Variants in FZD3 observed in about 807,000 individuals in gnomAD.
FZD3 encodes the protein frizzled-3.
FZD3 carries 30 observed loss-of-function variants against 60.7 expected under a neutral mutation model. The ratio of observed to expected loss-of-function variants is 0.49; its 90% CI spans 0.37 to 0.67. The LOEUF is 0.67. Ranked by LOEUF, FZD3 falls within the 30% of genes least tolerant of loss-of-function variation. FZD3 has a pLI of 0.00. For missense variants in FZD3, 605 were observed against 838.7 expected, an observed-to-expected ratio of 0.72 and a Z score of 3.44; for synonymous variants, 246 against 275.2, an observed-to-expected ratio of 0.89 and a Z score of 1.05.
chr8:28,559,393 A>T (rs946633256), intron 7 of FZD3, among the ~76,000 whole-genome samples: 1 of 152,230 alleles, frequency 6.6e-6, no homozygotes, highest in Admixed American at 6.5e-5. Flanking sequence ...TATTTTCCAC[A>T]TAATTGTCTT....
chr8:28,563,253 T>A lies in FZD3; in HGVS notation c.*242T>A, dbSNP rs527319557. 2.2e-6 allele frequency: 1 copy of A among 452,286 alleles called. No individual in the cohort carries two copies. Among genetic ancestry groups the A allele is most frequent in the African/African-American group, 2.0e-5 (1 of 50,818 alleles). The allele number at this position is 452,286 out of a possible 1,614,324, so 28.0% of individuals were successfully genotyped here. On this transcript the variant is annotated 3_prime_UTR_variant, in exon 8 of 8. Transcript: ENST00000240093. ...TTCGTCTTTCTAGGTTATGAAGAGA[T>A]AATTATTTGTCTGGTAAGCATTTTT...
In FZD3 at chr8:28,555,732, G is replaced by A. The variant is rs1189274824; in HGVS notation, c.1554-6G>A. On this transcript the variant is annotated splice_polypyrimidine_tract_variant and splice_region_variant and intron_variant, in intron 6 of 7. Coordinates refer to ENST00000240093, the MANE Select transcript of FZD3 (RefSeq NM_017412.4). Reference sequence around the variant, plus strand: ...TGTATCTTAAACTTACTATTTTGTTGTCTAGGATAGTGAATGAGAGCCGAC... The same window carrying A: ...TGTATCTTAAACTTACTATTTTGTTATCTAGGATAGTGAATGAGAGCCGAC... The A allele has an allele frequency of 4.2e-5, 64 of 1,541,440 alleles. No individual in the cohort carries two copies. The highest frequency in any genetic ancestry group is 5.7e-5 in the Non-Finnish European group (64 of 1,113,898).
chr8:28,512,727 CA>C (rs1804321893), intron 3 of FZD3, among the ~76,000 whole-genome samples: 1 of 152,000 alleles, frequency 6.6e-6, no homozygotes, highest in Non-Finnish European at 1.5e-5. Context: ...CGCAAAAAAG[CA>C]AAGTGCTAAG....
chr8:28,511,998 A>G (rs1563384638), intron 3 of FZD3, among the ~76,000 whole-genome samples: 3 of 152,212 alleles, frequency 2.0e-5, no homozygotes, highest in Non-Finnish European at 2.9e-5. Context: ...TTTTAGTGCT[A>G]TACCTAAGCT....
intron 3 of FZD3, among the ~76,000 whole-genome samples, chr8:28,518,826 C>T (rs1286927302): frequency 5.9e-5 from 9 of 152,200 alleles, no homozygotes; most frequent in Non-Finnish European, 1.2e-4. Context: ...CAACAAATAC[C>T]ACCTTTAAAA....
At chr8:28,511,069 C>T (rs757536761) in intron 3 of FZD3, among the ~76,000 whole-genome samples, 6 of 150,874 alleles carry the variant, frequency 4.0e-5, no homozygotes, top group South Asian at 2.1e-4. Context: ...ATAACATTGC[C>T]GGCAAGGTGC....
At chr8:28,543,086 T>G (rs938197603) in intron 5 of FZD3, among the ~76,000 whole-genome samples, 1 of 152,206 alleles carries the variant, frequency 6.6e-6, no homozygotes, top group Non-Finnish European at 1.5e-5. Flanking sequence ...AAAAAGTGAT[T>G]TGACTTATGT....
chr8:28,513,317 G>A (rs1804337680), intron 3 of FZD3, among the ~76,000 whole-genome samples: 1 of 152,118 alleles, frequency 6.6e-6, no homozygotes, highest in African/African-American at 2.4e-5. Flanking sequence ...AATATTAAAA[G>A]TTTACTTCCT....
intron 3 of FZD3, among the ~76,000 whole-genome samples, chr8:28,507,234 T>C (rs1804165122): frequency 6.6e-6 from 1 of 152,222 alleles, no homozygotes; most frequent in Admixed American, 6.5e-5. Flanking sequence ...TTTTAATTTA[T>C]AGGTTTTCCT....
chr8:28,533,108 T>G (rs532934718), intron 5 of FZD3, among the ~76,000 whole-genome samples: 1 of 152,358 alleles, frequency 6.6e-6, no homozygotes, highest in African/African-American at 2.4e-5. Flanking sequence ...AGCATAAATT[T>G]GTTCATTTTT....
chr8:28,504,920 G>T (rs1382878018), intron 3 of FZD3, among the ~76,000 whole-genome samples: 5 of 152,192 alleles, frequency 3.3e-5, no homozygotes, highest in Admixed American at 3.3e-4. Flanking sequence ...CAATGGGGTT[G>T]CCTCTGTTTG....
intron 2 of FZD3, among the ~76,000 whole-genome samples, chr8:28,500,184 G>A (rs1803951564): frequency 6.6e-6 from 1 of 152,110 alleles, no homozygotes. Flanking sequence ...CAGTCTTGCT[G>A]TATCAAGATT....
At chr8:28,494,481 GCCT>G in intron 1 of FZD3, 138 bp downstream of exon 1, 2 of 152,086 alleles carry the variant, frequency 1.3e-5, no homozygotes, top group South Asian at 4.1e-4. Context: ...GCAGCCCGGC[GCCT>G]CCTCCTCAGG....
chr8:28,499,252 TGA>T (rs1386062336), intron 1 of FZD3, among the ~76,000 whole-genome samples: 8 of 152,244 alleles, frequency 5.3e-5, no homozygotes, highest in African/African-American at 1.9e-4. Flanking sequence ...TCTGACAAAA[TGA>T]GAGATATATA....
intron 5 of FZD3, among the ~76,000 whole-genome samples, chr8:28,550,272 T>A (rs1805379112): frequency 6.6e-6 from 1 of 151,966 alleles, no homozygotes; most frequent in African/African-American, 2.4e-5. Flanking sequence ...TTTTCAAGTC[T>A]ATTTGCATGG....
At position 28,527,642 on chromosome 8, in the gene FZD3, T is replaced by C; in HGVS notation, c.882T>C (p.Tyr294=). The stretch of plus-strand genomic sequence containing the variant: ...GTACCATGCTTTTTATGATACTCTA[T>C]TTTTTTACTATGGCTGGCAGTGTAT... ...KACTMLFMIL[Y]FFTMAGSVWW... is the part of the protein sequence containing the mutation. The change falls in exon 5 of 8, where the codon TAT becomes TAC. Residue 294 remains tyrosine (Y), a synonymous_variant. Transcript: ENST00000240093. The surrounding 1 kb of genome is among the most constrained non-coding windows in gnomAD (Gnocchi z 5.0). 1 of 1,613,950 alleles carries C rather than the reference T, an allele frequency of 6.2e-7. No individual in the cohort carries two copies. Among genetic ancestry groups the C allele is most frequent in the Non-Finnish European group, 8.5e-7 (1 of 1,179,870 alleles).
At chr8:28,503,440 C>T (rs983829895) in intron 3 of FZD3, among the ~76,000 whole-genome samples, 1 of 152,114 alleles carries the variant, frequency 6.6e-6, no homozygotes, top group Non-Finnish European at 1.5e-5. Flanking sequence ...AAATTTGAAA[C>T]ATCAGAACAT....
In FZD3 at chr8:28,554,303, T is replaced by A. The variant is rs1427144507; in HGVS notation, c.1554-1435T>A. On this transcript the variant is annotated intron_variant, in intron 6 of 7. Coordinates refer to ENST00000240093, the MANE Select transcript of FZD3 (RefSeq NM_017412.4). ...ACTAGAAGTCAGTTTTAACCAAGTT[T>A]AGAAAATAAAGTCAACAACCAAGAA... is the stretch of plus-strand genomic sequence containing the variant. Among the ~76,000 whole-genome samples, 9 of 152,316 alleles carry A rather than the reference T, an allele frequency of 5.9e-5. No homozygotes were observed. In the South Asian group the frequency reaches 1.7e-3, roughly 28 times the overall value.
intron 3 of FZD3, among the ~76,000 whole-genome samples, chr8:28,507,430 T>G (rs1804170212): frequency 6.6e-6 from 1 of 152,204 alleles, no homozygotes; most frequent in South Asian, 2.1e-4. Context: ...GAAGGAATAC[T>G]TCATAGGTAG....
Sources: gnomAD v4.1 joint callset for allele counts (sites outside exome capture counted in the v4.1 genomes callset) on GRCh38, gnomAD v4.1.1 for gene constraint, Gnocchi (gnomAD v3.1) non-coding constraint, MANE v1.5 for transcripts, NCBI Gene and HGNC (gene_info 2026-07-23, HGNC 2026-07-21) for gene names.